PTPRN2: variants seen among roughly 807,000 people sequenced by gnomAD.
The protein encoded by PTPRN2 is protein tyrosine phosphatase receptor type N2.
PTPRN2 carries 74 observed loss-of-function variants against 118.8 expected under a neutral mutation model. The ratio of observed to expected loss-of-function variants is 0.62; its 90% CI spans 0.52 to 0.76. The LOEUF (loss-of-function observed/expected upper bound fraction) is 0.76, where lower values mean the gene tolerates loss of function less well. Ranked by LOEUF, PTPRN2 falls within the 30% of genes least tolerant of loss-of-function variation. The pLI, the probability that PTPRN2 is intolerant of heterozygous loss-of-function variation, is 0.00. For missense variants in PTPRN2, 1,481 were observed against 1,394.4 expected, an observed-to-expected ratio of 1.06 and a Z score of -0.99; for synonymous variants, 641 against 608.0, an observed-to-expected ratio of 1.05 and a Z score of -0.80.
rs1825828146 is a variant in PTPRN2, at chr7:158,192,307, G to C, written c.549+20C>G. 1.4e-6 allele frequency: 2 copies of C among 1,451,174 alleles called. No homozygotes were observed. The highest frequency in any genetic ancestry group is 9.0e-7 in the Non-Finnish European group (1 of 1,107,192). The allele number at this position is 1,451,174 out of a possible 1,614,324, so 89.9% of individuals were successfully genotyped here. On this transcript the variant is annotated intron_variant, in intron 5 of 22. Transcript: ENST00000389418. Reference sequence around the variant, plus strand: ...GAAGGAAAAGCCAACCCCGGCCCGGGGAGGAAGTGGAAGGGTCACCTCAGC... The same window carrying C: ...GAAGGAAAAGCCAACCCCGGCCCGGCGAGGAAGTGGAAGGGTCACCTCAGC...
chr7:158,212,487 C>A (rs1000514859), intron 3 of PTPRN2, among the ~76,000 whole-genome samples: 1 of 151,998 alleles, frequency 6.6e-6, no homozygotes, highest in Non-Finnish European at 1.5e-5. Flanking sequence ...TCAAAATATC[C>A]CATGTACCCC....
At chr7:158,305,648 G>A (rs1240473719) in intron 3 of PTPRN2, among the ~76,000 whole-genome samples, 1 of 152,178 alleles carries the variant, frequency 6.6e-6, no homozygotes, top group African/African-American at 2.4e-5. Context: ...GGAAGTAGCT[G>A]TAGACATCAG....
rs543529783 is a variant in PTPRN2, at chr7:157,924,492, A to G, written c.1724-25755T>C. ...GGACGCCTCCAAAGGCCCCATCCAC[A>G]GGGCCCTGCTCACCACTGGCCCAGG... On this transcript the variant is annotated intron_variant, in intron 11 of 22. Transcript: ENST00000389418. Among the ~76,000 whole-genome samples, 3 of 152,324 alleles carry G rather than the reference A, an allele frequency of 2.0e-5. No individual in the cohort carries two copies. The South Asian group carries it at 6.2e-4, about 32-fold the overall frequency.
chr7:157,961,547 T>A (rs181913361), intron 11 of PTPRN2, among the ~76,000 whole-genome samples: 16,977 of 150,570 alleles, frequency 0.11, 1,017 homozygotes, highest in Middle Eastern at 0.21. Context: ...AAAAAAAAAA[T>A]TATAAAAAGT....
rs528786272 is a variant in PTPRN2, at chr7:158,352,733, C to G, written c.164-35801G>C. Among the ~76,000 whole-genome samples, 3 of 152,322 alleles carry G rather than the reference C, an allele frequency of 2.0e-5. No homozygotes were observed. The East Asian group carries it at 5.8e-4, about 29-fold the overall frequency. On this transcript the variant is annotated intron_variant, in intron 2 of 22. Coordinates refer to ENST00000389418, the MANE Select transcript of PTPRN2 (RefSeq NM_002847.5). ...ACACCTGAGCCTCAAAGCTCTTAGC[C>G]CTTCCCTGCAAAGAAAACTCTCTCT... is the stretch of plus-strand genomic sequence containing the variant.
intron 11 of PTPRN2, among the ~76,000 whole-genome samples, chr7:158,054,801 G>C (rs569351838): frequency 1.3e-5 from 2 of 152,362 alleles, no homozygotes; most frequent in South Asian, 4.1e-4. Context: ...GTGCCTGGGG[G>C]CGCGGGCACC....
chr7:157,962,300 A>G (rs1013334908), intron 11 of PTPRN2, among the ~76,000 whole-genome samples: 8 of 152,188 alleles, frequency 5.3e-5, no homozygotes, highest in Non-Finnish European at 8.8e-5. Flanking sequence ...TCCGAATGTG[A>G]ATGGCCACAC....
chr7:158,529,209 C>T lies in PTPRN2; in HGVS notation c.113-39424G>A, dbSNP rs747339766. 7.2e-5 allele frequency among the ~76,000 whole-genome samples: 11 copies of T among 152,248 alleles called. No individual in the cohort carries two copies. Among genetic ancestry groups the T allele is most frequent in the African/African-American group, 1.2e-4 (5 of 41,466 alleles). On this transcript the variant is annotated intron_variant, in intron 1 of 22. Coordinates refer to ENST00000389418, the MANE Select transcript of PTPRN2 (RefSeq NM_002847.5). The surrounding 1 kb of genome is among the most constrained non-coding windows in gnomAD (Gnocchi z 4.7). ...CACCTGGTGGGCACTAAGCACCCGT[C>T]GCTGTTGGTCCTGGGGCTAACGCTG... is the stretch of plus-strand genomic sequence containing the variant.
rs1429810843 is a variant in PTPRN2 at position 157,716,757 on chromosome 7, CACAGACTCT to C, written c.1789-33829_1789-33821del. On this transcript the variant is annotated intron_variant, in intron 12 of 22. Transcript: ENST00000389418. ...ACTCTGCGGGAACACTGCCTGGTCACACAGACTCTGCGGGAACACTGCCTGGCCACGTAG... is the reference window on the plus strand; with the variant it reads ...ACTCTGCGGGAACACTGCCTGGTCACGCGGGAACACTGCCTGGCCACGTAG... Among the ~76,000 whole-genome samples, 39 of 58,450 alleles carry C rather than the reference CACAGACTCT, an allele frequency of 6.7e-4. 9 individuals are homozygous for C. In the South Asian group the frequency reaches 0.014, roughly 21 times the overall value. 38.3% of individuals were successfully genotyped at this position (58,450 alleles called of 152,430 possible). A position where few individuals can be genotyped will look rare whatever the true frequency, so the allele number is the denominator to read the frequency against.
At chr7:158,398,752 T>C (rs1280357205) in intron 2 of PTPRN2, among the ~76,000 whole-genome samples, 2 of 152,216 alleles carry the variant, frequency 1.3e-5, no homozygotes, top group Non-Finnish European at 2.9e-5. Flanking sequence ...CACGTTGCCA[T>C]TTCTCAGCTT....
At chr7:157,988,030 C>T (rs544226340) in intron 11 of PTPRN2, among the ~76,000 whole-genome samples, 207 of 152,042 alleles carry the variant, frequency 1.4e-3, no homozygotes, top group Admixed American at 3.5e-3. Context: ...TGCAGGGGAC[C>T]GGAGTCCTCA....
rs138398484 is a variant in PTPRN2, at chr7:158,193,199, G to A, written c.381-704C>T. Among the ~76,000 whole-genome samples the A allele has an allele frequency of 7.7e-3, 1,170 of 152,328 alleles. 13 individuals are homozygous for A. Among genetic ancestry groups the A allele is most frequent in the African/African-American group, 0.022 (917 of 41,568 alleles). On this transcript the variant is annotated intron_variant, in intron 4 of 22. Coordinates refer to ENST00000389418, the MANE Select transcript of PTPRN2 (RefSeq NM_002847.5). ...ATGTGGTGCCCACCCTGCTGAGGGC[G>A]GCAGGGGTAGGGCCAGCGAGGACAA... is the stretch of plus-strand genomic sequence containing the variant.
Position 158,525,440 on chromosome 7 carries a change from G to A in PTPRN2, c.113-35655C>T, listed in dbSNP as rs893800345. ...GCCAGCCCCATCCAGACTTAAGGAC[G>A]GAAAGTGGGACCAAGGCTGAGCCGC... On this transcript the variant is annotated intron_variant, in intron 1 of 22. Transcript: ENST00000389418. The surrounding 1 kb of genome is among the most constrained non-coding windows in gnomAD (Gnocchi z 4.1). 2.0e-5 allele frequency among the ~76,000 whole-genome samples: 3 copies of A among 152,130 alleles called. No homozygotes were observed. Among genetic ancestry groups the A allele is most frequent in the South Asian group, 2.1e-4 (1 of 4,826 alleles).
chr7:158,333,533 T>G (rs11773278), intron 2 of PTPRN2, among the ~76,000 whole-genome samples: 1 of 76,854 alleles, frequency 1.3e-5, no homozygotes, highest in East Asian at 5.2e-4. Flanking sequence ...GACCTGACAC[T>G]CGCAGACGTC....
intron 3 of PTPRN2, among the ~76,000 whole-genome samples, chr7:158,287,308 T>C (rs1799830383): frequency 1.3e-5 from 2 of 152,098 alleles, no homozygotes; most frequent in Admixed American, 1.3e-4. Flanking sequence ...ATTGTTTTTC[T>C]AGTTTCGATG....
chr7:158,188,094 C>T (rs987462138), intron 5 of PTPRN2, among the ~76,000 whole-genome samples: 1 of 152,148 alleles, frequency 6.6e-6, no homozygotes, highest in Non-Finnish European at 1.5e-5. Flanking sequence ...CCCAGTGGCC[C>T]CGTCACGAGC....
rs77695534 is a variant in PTPRN2, at chr7:157,676,730, T to C, written c.2001+5995A>G. Among the ~76,000 whole-genome samples the C allele has an allele frequency of 1.5e-3, 226 of 152,320 alleles. 1 individual carries two copies. The highest frequency in any genetic ancestry group is 5.3e-3 in the African/African-American group (219 of 41,582). On this transcript the variant is annotated intron_variant, in intron 13 of 22. Coordinates refer to ENST00000389418, the MANE Select transcript of PTPRN2 (RefSeq NM_002847.5). This position sits in a 1 kb window ranked among gnomAD's most constrained non-coding sequence, Gnocchi z 5.6. ...AAAACAGGGTTGGGAGATAATGAGA[T>C]GCCTGGGGAAGGTGTCCTGGGTCCC... is the stretch of plus-strand genomic sequence containing the variant.
intron 1 of PTPRN2, among the ~76,000 whole-genome samples, chr7:158,547,047 C>T (rs552499024): frequency 1.3e-5 from 2 of 152,252 alleles, no homozygotes; most frequent in South Asian, 2.1e-4. Flanking sequence ...GCAAGGCCCC[C>T]GGACTCACTC....
At chr7:157,914,485 T>C (rs752177148) in intron 11 of PTPRN2, among the ~76,000 whole-genome samples, 3 of 152,232 alleles carry the variant, frequency 2.0e-5, no homozygotes, top group Non-Finnish European at 4.4e-5. Context: ...ATTCTAACTC[T>C]GCTGGAACAC....
Sources: gnomAD v4.1 joint callset for allele counts (sites outside exome capture counted in the v4.1 genomes callset) on GRCh38, gnomAD v4.1.1 for gene constraint, Gnocchi (gnomAD v3.1) non-coding constraint, MANE v1.5 for transcripts, NCBI Gene and HGNC (gene_info 2026-07-23, HGNC 2026-07-21) for gene names.